The following ARFGEF1 variants were observed in gnomAD, a reference collection of about 807,000 sequenced individuals.
ARFGEF1 encodes ARF guanine nucleotide exchange factor 1.
In ARFGEF1, 42 loss-of-function variants were observed where a neutral mutation model predicts 231.0. That is an observed-to-expected ratio of 0.18 (90% CI 0.14 to 0.24). The LOEUF is 0.24. Ranked by LOEUF, ARFGEF1 falls within the 10% of genes least tolerant of loss-of-function variation. ARFGEF1 has a pLI of 1.00. For synonymous variants in ARFGEF1, 710 were observed against 732.3 expected (o/e 0.97, Z 0.49); for missense variants, 1,345 against 2,192.0 (o/e 0.61, Z 7.72).
chr8:67,302,441 T>G lies in ARFGEF1; in HGVS notation c.150A>C (p.Lys50Asn), dbSNP rs1417634804. 5.7e-6 allele frequency: 9 copies of G among 1,572,612 alleles called. No homozygotes were observed. Among genetic ancestry groups the G allele is most frequent in the Non-Finnish European group, 6.9e-6 (8 of 1,163,870 alleles). The stretch of plus-strand genomic sequence containing the variant: ...AGAAAAGAAATCCCACAAACCTCTG[T>G]TTTTCAGTTTCCGCTTTTATTTCCT... ...ALEEIKAETE[K>N]QSPPHGEAKA... Residue 50 changes from lysine to asparagine, a missense_variant, in exon 2 of 39, where the codon AAA (lysine) becomes AAC (asparagine). Coordinates refer to ENST00000262215, the MANE Select transcript of ARFGEF1 (RefSeq NM_006421.5).
rs76067679 is a variant in ARFGEF1, at chr8:67,267,489, T to C, written c.1573-47A>G. On this transcript the variant is annotated intron_variant, in intron 10 of 38. Coordinates refer to ENST00000262215, the MANE Select transcript of ARFGEF1 (RefSeq NM_006421.5). ...TGTTTAAAATATTGTTTAGAATTCATATGTGTGATCACTTTTTAAACATCC... is the reference window on the plus strand; with the variant it reads ...TGTTTAAAATATTGTTTAGAATTCACATGTGTGATCACTTTTTAAACATCC... The C allele has an allele frequency of 4.0e-3, 5,028 of 1,252,796 alleles. 160 individuals are homozygous for C. In the Admixed American group the frequency reaches 0.068, roughly 17 times the overall value. The allele number at this position is 1,252,796 out of a possible 1,614,324, so 77.6% of individuals were successfully genotyped here.
In ARFGEF1 at chr8:67,343,534, T is replaced by C. The variant is rs983830247; in HGVS notation, c.-247A>G. 22 of 1,159,152 alleles carry C rather than the reference T, an allele frequency of 1.9e-5. No individual in the cohort carries two copies. Among genetic ancestry groups the C allele is most frequent in the African/African-American group, 3.2e-5 (2 of 61,934 alleles). The allele number at this position is 1,159,152 out of a possible 1,614,324, so 71.8% of individuals were successfully genotyped here. ...CCTCGAGGGCCGCGCCCGTCGGGCC[T>C]CCGCTTCTCCCGGCCCGGGGGTCGC... is the stretch of plus-strand genomic sequence containing the variant. On this transcript the variant is annotated 5_prime_UTR_variant, in exon 1 of 39. Transcript: ENST00000262215.
In ARFGEF1 at chr8:67,302,480, A is replaced by C. The variant is rs540402614; in HGVS notation, c.125-14T>G. On this transcript the variant is annotated splice_polypyrimidine_tract_variant and intron_variant, in intron 1 of 38. Coordinates refer to ENST00000262215, the MANE Select transcript of ARFGEF1 (RefSeq NM_006421.5). Reference sequence around the variant, plus strand: ...CTTTTATTTCCTCTGAGGGGAAAAAAAAAGAAGCATACATTAGAAAACTGG... The same window carrying C: ...CTTTTATTTCCTCTGAGGGGAAAAACAAAGAAGCATACATTAGAAAACTGG... 5 of 1,557,058 alleles carry C rather than the reference A, an allele frequency of 3.2e-6. No individual in the cohort carries two copies. The highest frequency in any genetic ancestry group is 4.0e-5 in the Admixed American group (2 of 49,634).
intron 5 of ARFGEF1, among the ~76,000 whole-genome samples, chr8:67,294,058 A>T (rs1449304612): frequency 1.3e-5 from 2 of 152,104 alleles, no homozygotes; most frequent in Non-Finnish European, 2.9e-5. Context: ...CTGAACAAAC[A>T]TGTACAGACA....
At chr8:67,222,188 T>TATAC (rs1554636810) in intron 29 of ARFGEF1, among the ~76,000 whole-genome samples, 1 of 136,180 alleles carries the variant, frequency 7.3e-6, no homozygotes, top group Admixed American at 7.3e-5. Context: ...TACACATATA[T>TATAC]ATATATATAT....
chr8:67,264,787 CTTCTCAT>C lies in ARFGEF1; in HGVS notation c.2123+1212_2123+1218del, dbSNP rs571890874. 4.2e-3 allele frequency among the ~76,000 whole-genome samples: 642 copies of C among 152,256 alleles called. 8 individuals are homozygous for C. The highest frequency in any genetic ancestry group is 0.015 in the African/African-American group (610 of 41,560). The stretch of plus-strand genomic sequence containing the variant: ...CCACTTCGAAGCCCTCTGACTACTC[CTTCTCAT>C]TTCTCAAGTACTTCAAAATAAGTAC... On this transcript the variant is annotated intron_variant, in intron 14 of 38. Coordinates refer to ENST00000262215, the MANE Select transcript of ARFGEF1 (RefSeq NM_006421.5).
At chr8:67,190,639 G>T (rs768064235) in intron 5 of ARFGEF1, 2 of 1,603,266 alleles carry the variant, frequency 1.2e-6, no homozygotes, top group African/African-American at 1.3e-5. Context: ...TGCTTTTCGG[G>T]GTCCTCTTAG....
intron 14 of ARFGEF1, among the ~76,000 whole-genome samples, chr8:67,264,750 A>G (rs1804779806): frequency 6.6e-6 from 1 of 152,166 alleles, no homozygotes; most frequent in Admixed American, 6.5e-5. Context: ...TGAGAGAAGG[A>G]CTGGGAGACT....
At chr8:67,215,087 T>C (rs1370231895) in intron 33 of ARFGEF1, among the ~76,000 whole-genome samples, 5 of 152,166 alleles carry the variant, frequency 3.3e-5, no homozygotes, top group Non-Finnish European at 7.3e-5. Context: ...AGATCGTATA[T>C]CTTATGCTTG....
intron 1 of ARFGEF1, among the ~76,000 whole-genome samples, chr8:67,325,223 CTT>C (rs767351969): frequency 8.4e-5 from 12 of 143,286 alleles, no homozygotes; most frequent in Admixed American, 1.4e-4. Flanking sequence ...GAAAAATCCA[CTT>C]TTTTTTTTTT....
intron 7 of ARFGEF1, among the ~76,000 whole-genome samples, chr8:67,284,616 C>T (rs1336754251): frequency 6.6e-6 from 1 of 152,104 alleles, no homozygotes; most frequent in Admixed American, 6.5e-5. Context: ...TGTTGGGGAT[C>T]TGGGTTTTCA....
At chr8:67,261,179 T>C (rs1804606149) in intron 14 of ARFGEF1, among the ~76,000 whole-genome samples, 2 of 152,180 alleles carry the variant, frequency 1.3e-5, no homozygotes, top group South Asian at 4.1e-4. Flanking sequence ...CGATCATTTA[T>C]GAAGGTGGTT....
chr8:67,271,468 A>T (rs1026918870), intron 10 of ARFGEF1, among the ~76,000 whole-genome samples: 2 of 152,250 alleles, frequency 1.3e-5, no homozygotes, highest in Admixed American at 1.3e-4. Context: ...AACTAGTATA[A>T]GTTCCTTGAG....
intron 38 of ARFGEF1, chr8:67,199,570 T>C (rs1314331611): frequency 6.3e-6 from 1 of 158,558 alleles, no homozygotes; most frequent in Non-Finnish European, 1.4e-5. Context: ...ACTTTGGCTG[T>C]ATCTTCACAG....
At chr8:67,191,622 A>G (rs986834847) in intron 5 of ARFGEF1, among the ~76,000 whole-genome samples, 1 of 152,214 alleles carries the variant, frequency 6.6e-6, no homozygotes, top group Non-Finnish European at 1.5e-5. Flanking sequence ...TTAGTGTTGA[A>G]TAATTTTCCA....
At chr8:67,179,993 C>G in intron 5 of ARFGEF1, 1 of 872,370 alleles carries the variant, frequency 1.1e-6, no homozygotes, top group Non-Finnish European at 1.9e-6. Context: ...ACTTAAAAAC[C>G]AGTACTGTAT....
At chr8:67,301,054 C>A (rs2128915263) in intron 3 of ARFGEF1, among the ~76,000 whole-genome samples, 170 bp downstream of exon 3, 1 of 152,168 alleles carries the variant, frequency 6.6e-6, no homozygotes, top group South Asian at 2.1e-4. Flanking sequence ...CTAGAAATAT[C>A]TTTTTGCAAC....
chr8:67,302,906 TAAAAAAAAAAAAAAAAA>T (rs139020447), intron 1 of ARFGEF1, among the ~76,000 whole-genome samples: 3 of 102,044 alleles, frequency 2.9e-5, no homozygotes, highest in Non-Finnish European at 5.8e-5. Context: ...CCCCATCTCT[TAAAAAAAAAAAAAAAAA>T]AAAAAAAAAA....
chr8:67,209,096 T>C (rs1838628881), intron 34 of ARFGEF1, among the ~76,000 whole-genome samples: 1 of 152,212 alleles, frequency 6.6e-6, no homozygotes, highest in African/African-American at 2.4e-5. Flanking sequence ...AGGTAGATAA[T>C]GCAAAAGAAC....
Sources: gnomAD v4.1 joint callset for allele counts (sites outside exome capture counted in the v4.1 genomes callset) on GRCh38, gnomAD v4.1.1 for gene constraint, MANE v1.5 for transcripts, NCBI Gene and HGNC (gene_info 2026-07-23, HGNC 2026-07-21) for gene names.